The following SLC9A9 variants were observed in gnomAD, a reference collection of about 807,000 sequenced individuals.
The protein encoded by SLC9A9 is solute carrier family 9 member A9.
Under a neutral mutation model 77.8 loss-of-function variants are expected in SLC9A9, and 62 were observed. The ratio of observed to expected loss-of-function variants is 0.80; its 90% confidence interval spans 0.65 to 0.98. The LOEUF is 0.98. Ranked by LOEUF, SLC9A9 falls within the 50% of genes least tolerant of loss-of-function variation. The pLI is 0.00. For missense variants in SLC9A9, 775 were observed against 774.9 expected (o/e 1.00, Z 0.00); for synonymous variants, 320 against 283.5 (o/e 1.13, Z -1.29).
intron 12 of SLC9A9, among the ~76,000 whole-genome samples, chr3:143,390,671 T>C (rs2033540059): frequency 6.6e-6 from 1 of 152,126 alleles, no homozygotes; most frequent in African/African-American, 2.4e-5. Context: ...ACCCGGGAAG[T>C]GCAAGGGGTC....
At chr3:143,532,237 T>C (rs1268869022) in intron 9 of SLC9A9, among the ~76,000 whole-genome samples, 2 of 152,194 alleles carry the variant, frequency 1.3e-5, no homozygotes, top group African/African-American at 4.8e-5. Context: ...CCCTGATTTG[T>C]AGTGCAAGCT....
At chr3:143,785,154 C>T (rs766184324) in intron 4 of SLC9A9, among the ~76,000 whole-genome samples, 8 of 152,174 alleles carry the variant, frequency 5.3e-5, no homozygotes, top group Non-Finnish European at 1.0e-4. Flanking sequence ...TGCAATGTGA[C>T]ATTATTATAC....
chr3:143,533,393 T>G (rs949145303), intron 9 of SLC9A9, among the ~76,000 whole-genome samples: 6 of 152,142 alleles, frequency 3.9e-5, no homozygotes, highest in African/African-American at 7.2e-5. Context: ...ACAGGATAAT[T>G]CAATATTTGT....
At chr3:143,711,904 T>C (rs2108796926) in intron 4 of SLC9A9, among the ~76,000 whole-genome samples, 1 of 152,334 alleles carries the variant, frequency 6.6e-6, no homozygotes, top group African/African-American at 2.4e-5. Context: ...GGGCTAGAGC[T>C]ACATGGGGCT....
intron 2 of SLC9A9, among the ~76,000 whole-genome samples, chr3:143,825,504 A>T (rs901291302): frequency 6.6e-6 from 1 of 152,164 alleles, no homozygotes; most frequent in Admixed American, 6.5e-5. Context: ...TAAAAGTCTT[A>T]TGGTTAGTTG....
intron 14 of SLC9A9, among the ~76,000 whole-genome samples, chr3:143,337,639 T>C (rs1304152717): frequency 6.6e-6 from 1 of 152,178 alleles, no homozygotes; most frequent in Non-Finnish European, 1.5e-5. Context: ...GCTGCTGGAA[T>C]CCCAATCTTT....
intron 12 of SLC9A9, among the ~76,000 whole-genome samples, chr3:143,396,915 A>T (rs2033743756): frequency 6.6e-6 from 1 of 152,216 alleles, no homozygotes; most frequent in African/African-American, 2.4e-5. Flanking sequence ...CTGACAATTT[A>T]GATATACATT....
chr3:143,408,641 T>C (rs1204075645), intron 12 of SLC9A9, among the ~76,000 whole-genome samples: 1 of 152,172 alleles, frequency 6.6e-6, no homozygotes. Flanking sequence ...GTTCCACCCC[T>C]CCAAATCTGA....
intron 12 of SLC9A9, among the ~76,000 whole-genome samples, chr3:143,441,902 A>G (rs1559917347): frequency 6.6e-6 from 1 of 151,624 alleles, no homozygotes; most frequent in African/African-American, 2.4e-5. Flanking sequence ...ATCTCTACTC[A>G]TCCATCCATC....
chr3:143,814,857 C>G (rs1253367562), intron 2 of SLC9A9, among the ~76,000 whole-genome samples: 1 of 152,056 alleles, frequency 6.6e-6, no homozygotes, highest in Non-Finnish European at 1.5e-5. Flanking sequence ...TTGATCATTT[C>G]TGACTGCCTT....
At chr3:143,320,127 C>CTTGT (rs2031366864) in intron 14 of SLC9A9, among the ~76,000 whole-genome samples, 1 of 152,178 alleles carries the variant, frequency 6.6e-6, no homozygotes. Flanking sequence ...AGTTATTTTG[C>CTTGT]TTGTTTGCTT....
chr3:143,548,070 G>A (rs1296606388), intron 9 of SLC9A9, among the ~76,000 whole-genome samples: 1 of 152,212 alleles, frequency 6.6e-6, no homozygotes, highest in Non-Finnish European at 1.5e-5. Context: ...CTTTGTACAT[G>A]TTAACGCACA....
chr3:143,573,221 C>T (rs192727762), intron 8 of SLC9A9, among the ~76,000 whole-genome samples: 2 of 152,208 alleles, frequency 1.3e-5, no homozygotes, highest in East Asian at 3.9e-4. Context: ...TATTAAAATG[C>T]AAACACCGAG....
chr3:143,846,312 A>T (rs943639750), intron 1 of SLC9A9, among the ~76,000 whole-genome samples: 8 of 152,232 alleles, frequency 5.3e-5, no homozygotes, highest in Non-Finnish European at 1.0e-4. Flanking sequence ...GCTAAAGCAC[A>T]TATGTCCCTT....
At chr3:143,462,096 G>C (rs1455324812) in intron 12 of SLC9A9, among the ~76,000 whole-genome samples, 1 of 152,200 alleles carries the variant, frequency 6.6e-6, no homozygotes, top group African/African-American at 2.4e-5. Context: ...GGCTGGTGTG[G>C]TGGCTCATGC....
At chr3:143,844,259 C>T (rs1287227091) in intron 1 of SLC9A9, among the ~76,000 whole-genome samples, 1 of 152,116 alleles carries the variant, frequency 6.6e-6, no homozygotes, top group Non-Finnish European at 1.5e-5. Flanking sequence ...TGCTTGATCA[C>T]TTTTCTCTGC....
intron 14 of SLC9A9, among the ~76,000 whole-genome samples, chr3:143,346,574 G>A (rs148323943): frequency 0.028 from 4,260 of 152,152 alleles, 76 homozygotes; most frequent in South Asian, 0.039. Context: ...GATCACTTGA[G>A]GTCAGGAGTT....
At chr3:143,763,578 GT>G (rs1175837956) in intron 4 of SLC9A9, among the ~76,000 whole-genome samples, 2 of 152,036 alleles carry the variant, frequency 1.3e-5, no homozygotes, top group African/African-American at 4.8e-5. Context: ...CCTGTGATAG[GT>G]GTTACTAAAA....
chr3:143,720,467 T>A (rs1347974214), intron 4 of SLC9A9, among the ~76,000 whole-genome samples: 2 of 152,224 alleles, frequency 1.3e-5, no homozygotes, highest in Non-Finnish European at 2.9e-5. Flanking sequence ...TGGCTGCCAA[T>A]GCCTCCGGCC....
Sources: allele counts gnomAD v4.1 joint callset (sites outside exome capture counted in the v4.1 genomes callset), GRCh38; gene constraint gnomAD v4.1.1; transcripts MANE v1.5; gene names NCBI Gene and HGNC (gene_info 2026-07-23, HGNC 2026-07-21).